Variants in EPB41L4B observed in about 807,000 individuals in gnomAD.
EPB41L4B encodes band 4.1-like protein 4B.
Under a neutral mutation model 112.5 loss-of-function variants are expected in EPB41L4B, and 30 were observed. The ratio of observed to expected loss-of-function variants is 0.27; its 90% confidence interval spans 0.20 to 0.36. The LOEUF is 0.36. Ranked by LOEUF, EPB41L4B falls within the 10% of genes least tolerant of loss-of-function variation. The pLI is 1.00. For missense variants in EPB41L4B, 1,024 were observed against 1,133.3 expected, an observed-to-expected ratio of 0.90 and a Z score of 1.38; for synonymous variants, 408 against 439.7, an observed-to-expected ratio of 0.93 and a Z score of 0.90.
intron 1 of EPB41L4B, among the ~76,000 whole-genome samples, chr9:109,294,301 C>T (rs1029999065): frequency 2.6e-4 from 35 of 136,550 alleles, no homozygotes; most frequent in African/African-American, 8.3e-4. Context: ...AGTGAGACTC[C>T]GTCTCAAAAA....
At chr9:109,251,954 T>C (rs1834804540) in intron 12 of EPB41L4B, among the ~76,000 whole-genome samples, 1 of 152,194 alleles carries the variant, frequency 6.6e-6, no homozygotes, top group African/African-American at 2.4e-5. Context: ...GCTTAGCCGC[T>C]TACACTCCAT....
chr9:109,186,996 T>C (rs1832293760), intron 22 of EPB41L4B, among the ~76,000 whole-genome samples: 1 of 152,158 alleles, frequency 6.6e-6, no homozygotes, highest in South Asian at 2.1e-4. Flanking sequence ...TATCCTTGAA[T>C]AGCACCATGC....
At chr9:109,246,127 C>A (rs1423503770) in intron 14 of EPB41L4B, among the ~76,000 whole-genome samples, 1 of 152,222 alleles carries the variant, frequency 6.6e-6, no homozygotes, top group Non-Finnish European at 1.5e-5. Flanking sequence ...CCTGGCCGGG[C>A]ACGGTGGCTC....
chr9:109,217,304 C>T (rs1833410144), intron 15 of EPB41L4B, among the ~76,000 whole-genome samples, 159 bp from the exon 16 acceptor site: 1 of 151,954 alleles, frequency 6.6e-6, no homozygotes, highest in African/African-American at 2.4e-5. Flanking sequence ...TAATATTATA[C>T]TTAAGAAAAA....
At chr9:109,194,468 G>A (rs947311901) in intron 20 of EPB41L4B, 71 bp from the exon 21 acceptor site, 7 of 1,514,896 alleles carry the variant, frequency 4.6e-6, no homozygotes, top group Middle Eastern at 3.5e-4. Flanking sequence ...GTGGACGGAG[G>A]ATGGGCAGGG....
rs570046677 is a variant in EPB41L4B at position 109,197,015 on chromosome 9, T to C, written c.2046-2618A>G. ...CAAAAGGGCGATGTGTGCACACAAA[T>C]CTGTATCTCAAAAATGATGATGTAA... On this transcript the variant is annotated intron_variant, in intron 20 of 25. Transcript: ENST00000374566. Among the ~76,000 whole-genome samples the C allele has an allele frequency of 2.0e-5, 3 of 152,340 alleles. No individual in the cohort carries two copies. In the South Asian group the frequency reaches 6.2e-4, roughly 32 times the overall value.
chr9:109,280,563 A>T (rs148718881), intron 1 of EPB41L4B, among the ~76,000 whole-genome samples: 1 of 152,212 alleles, frequency 6.6e-6, no homozygotes, highest in Non-Finnish European at 1.5e-5. Context: ...CACTCCTCCT[A>T]ACGTTTCTAT....
intron 15 of EPB41L4B, chr9:109,241,292 A>G (rs1438310943): frequency 2.0e-6 from 2 of 1,002,254 alleles, no homozygotes; most frequent in East Asian, 2.1e-4. Context: ...CTCAACTTCT[A>G]CGACAGGAAT....
chr9:109,306,264 T>G (rs982598658), intron 1 of EPB41L4B, among the ~76,000 whole-genome samples: 1 of 152,190 alleles, frequency 6.6e-6, no homozygotes, highest in East Asian at 1.9e-4. Context: ...GAAGGAGCCC[T>G]GTAAAACATT....
intron 7 of EPB41L4B, 131 bp downstream of exon 7, chr9:109,258,046 G>A: frequency 1.0e-6 from 1 of 969,002 alleles, no homozygotes. Flanking sequence ...CTGACACAAG[G>A]AGAGAAGAGT....
chr9:109,304,439 CG>C (rs1837091163), intron 1 of EPB41L4B, among the ~76,000 whole-genome samples: 1 of 152,182 alleles, frequency 6.6e-6, no homozygotes, highest in African/African-American at 2.4e-5. Flanking sequence ...TCTGCAGTCC[CG>C]AGGGGCACCT....
In EPB41L4B at chr9:109,173,971, C is replaced by T. The variant is rs1274314542; in HGVS notation, c.*583G>A. ...AATAATATCATATCCAAGGAGTTCA[C>T]AAGTTAAATTATATTTCAGATTAAG... On this transcript the variant is annotated 3_prime_UTR_variant, in exon 26 of 26. Transcript: ENST00000374566. 1 of 152,404 alleles carries T rather than the reference C, an allele frequency of 6.6e-6. No homozygotes were observed. Among genetic ancestry groups the T allele is most frequent in the African/African-American group, 2.4e-5 (1 of 41,564 alleles). 9.4% of individuals were successfully genotyped at this position (152,404 alleles called of 1,614,324 possible). A position where few individuals can be genotyped will look rare whatever the true frequency, so the allele number is the denominator to read the frequency against.
At chr9:109,198,214 G>C (rs150886899) in intron 20 of EPB41L4B, among the ~76,000 whole-genome samples, 1 of 152,266 alleles carries the variant, frequency 6.6e-6, no homozygotes, top group Admixed American at 6.5e-5. Context: ...GGCTGTTAGA[G>C]AATTGCATCC....
intron 5 of EPB41L4B, 95 bp downstream of exon 5, chr9:109,264,885 A>G (rs889447733): frequency 4.2e-6 from 5 of 1,191,050 alleles, no homozygotes; most frequent in Non-Finnish European, 5.7e-6. Context: ...TGAATTTTGA[A>G]AAGGGAACAA....
intron 1 of EPB41L4B, among the ~76,000 whole-genome samples, chr9:109,282,972 G>A (rs937982085): frequency 2.6e-5 from 4 of 151,996 alleles, no homozygotes; most frequent in Non-Finnish European, 4.4e-5. Context: ...GTGAGCCACC[G>A]CGCCCGGCCA....
chr9:109,319,349 C>T (rs1837752577), intron 1 of EPB41L4B, among the ~76,000 whole-genome samples: 2 of 152,148 alleles, frequency 1.3e-5, no homozygotes, highest in South Asian at 4.1e-4. Context: ...CCTGAGGTGC[C>T]CCGCCGACCC....
At chr9:109,291,840 C>T (rs1385695129) in intron 1 of EPB41L4B, among the ~76,000 whole-genome samples, 2 of 152,166 alleles carry the variant, frequency 1.3e-5, no homozygotes. Flanking sequence ...CTCAACTGTT[C>T]CACCACAGAA....
chr9:109,212,536 G>A (rs1833218430), intron 17 of EPB41L4B, among the ~76,000 whole-genome samples: 1 of 152,190 alleles, frequency 6.6e-6, no homozygotes, highest in African/African-American at 2.4e-5. Context: ...TTAGTAATCA[G>A]AGGAACTTTA....
At chr9:109,216,822 G>C in intron 16 of EPB41L4B, 100 bp downstream of exon 16, 1 of 1,189,344 alleles carries the variant, frequency 8.4e-7, no homozygotes, top group East Asian at 2.3e-5. Context: ...CAACCATTGT[G>C]TGCTGCACCG....
Sources: allele counts gnomAD v4.1 joint callset (sites outside exome capture counted in the v4.1 genomes callset), GRCh38; gene constraint gnomAD v4.1.1; transcripts MANE v1.5; gene names NCBI Gene and HGNC (gene_info 2026-07-23, HGNC 2026-07-21).